ATRNL1: variants seen among roughly 807,000 people sequenced by gnomAD.
ATRNL1 encodes attractin like 1.
Under a neutral mutation model 182.7 loss-of-function variants are expected in ATRNL1, and 95 were observed. The observed-to-expected ratio is 0.52, with a 90% CI of 0.44 to 0.62. The LOEUF (loss-of-function observed/expected upper bound fraction) is 0.62, where lower values mean the gene tolerates loss of function less well. Ranked by LOEUF, ATRNL1 falls within the 20% of genes least tolerant of loss-of-function variation. The probability of loss-of-function intolerance (pLI) is 0.00; values close to 1 mark genes in which losing one functional copy is unlikely to be tolerated. For missense variants in ATRNL1, 1,471 were observed against 1,679.5 expected, an observed-to-expected ratio of 0.88 and a Z score of 2.17; for synonymous variants, 576 against 568.3, an observed-to-expected ratio of 1.01 and a Z score of -0.19.
chr10:115,392,479 T>G (rs1301061643), intron 19 of ATRNL1, among the ~76,000 whole-genome samples: 1 of 152,224 alleles, frequency 6.6e-6, no homozygotes, highest in Non-Finnish European at 1.5e-5. Context: ...GTAAGAACTC[T>G]GAACATATTT....
intron 19 of ATRNL1, among the ~76,000 whole-genome samples, chr10:115,360,717 G>C (rs1554943979): frequency 6.6e-6 from 1 of 151,498 alleles, no homozygotes; most frequent in Non-Finnish European, 1.5e-5. Context: ...ATGTGGAGGA[G>C]GTTTGTTACA....
At chr10:115,098,118 T>A (rs2143386788) in intron 1 of ATRNL1, among the ~76,000 whole-genome samples, 1 of 152,330 alleles carries the variant, frequency 6.6e-6, no homozygotes, top group African/African-American at 2.4e-5. Context: ...ATCCATGGAT[T>A]ATTTTTACAT....
chr10:115,787,863 A>T (rs1356002689), intron 27 of ATRNL1, among the ~76,000 whole-genome samples: 9 of 152,160 alleles, frequency 5.9e-5, no homozygotes, highest in African/African-American at 2.2e-4. Flanking sequence ...CAGTGTCCTT[A>T]TGAGGAAGAG....
intron 26 of ATRNL1, among the ~76,000 whole-genome samples, chr10:115,662,262 T>C (rs1044110198): frequency 2.8e-4 from 43 of 152,202 alleles, no homozygotes; most frequent in African/African-American, 9.9e-4. Flanking sequence ...TCTTTATAGA[T>C]ACCATCTCAC....
At chr10:115,810,755 AT>A (rs1950028794) in intron 27 of ATRNL1, among the ~76,000 whole-genome samples, 1 of 151,758 alleles carries the variant, frequency 6.6e-6, no homozygotes, top group Non-Finnish European at 1.5e-5. Flanking sequence ...GGAATTTATT[AT>A]TTTATCTAAG....
intron 2 of ATRNL1, among the ~76,000 whole-genome samples, chr10:115,120,863 T>A (rs1844698218): frequency 6.6e-6 from 1 of 152,190 alleles, no homozygotes; most frequent in Non-Finnish European, 1.5e-5. Context: ...GCACCTGTAG[T>A]TACATTTTGT....
chr10:115,879,400 G>A (rs1555108035), intron 28 of ATRNL1, among the ~76,000 whole-genome samples: 1 of 152,030 alleles, frequency 6.6e-6, no homozygotes, highest in Non-Finnish European at 1.5e-5. Flanking sequence ...GTGACAGAGT[G>A]AGGATTTGAA....
intron 26 of ATRNL1, among the ~76,000 whole-genome samples, chr10:115,721,046 A>G (rs547901167): frequency 1.3e-5 from 2 of 152,336 alleles, no homozygotes; most frequent in East Asian, 3.9e-4. Context: ...AGTATCATCT[A>G]TTAGTGCCAG....
chr10:115,339,772 T>G (rs983372374), intron 19 of ATRNL1, among the ~76,000 whole-genome samples: 1 of 152,140 alleles, frequency 6.6e-6, no homozygotes, highest in Non-Finnish European at 1.5e-5. Context: ...GCATCCTTAT[T>G]GTGTTCCAGA....
chr10:115,683,429 C>T (rs1946112874), intron 26 of ATRNL1, among the ~76,000 whole-genome samples: 1 of 151,662 alleles, frequency 6.6e-6, no homozygotes, highest in African/African-American at 2.4e-5. Flanking sequence ...AGCATTATTT[C>T]TACCTTCTAT....
At chr10:115,843,978 C>T (rs1950870577) in intron 27 of ATRNL1, among the ~76,000 whole-genome samples, 1 of 152,068 alleles carries the variant, frequency 6.6e-6, no homozygotes, top group African/African-American at 2.4e-5. Context: ...TCAGTTTCAT[C>T]ATCTGTAAAA....
chr10:115,818,723 A>G (rs533984938), intron 27 of ATRNL1, among the ~76,000 whole-genome samples: 1 of 152,132 alleles, frequency 6.6e-6, no homozygotes, highest in African/African-American at 2.4e-5. Flanking sequence ...CCTAATTGGC[A>G]AATCCAGAAG....
In ATRNL1 at chr10:115,160,286, T is replaced by C. The variant is rs1846720962; in HGVS notation, c.1004+72T>C. 3 of 1,411,168 alleles carry C rather than the reference T, an allele frequency of 2.1e-6. No individual in the cohort carries two copies. The East Asian group carries it at 6.9e-5, about 32-fold the overall frequency. 87.4% of individuals were successfully genotyped at this position (1,411,168 alleles called of 1,614,324 possible). ...TATCCAAAATGTCTTTTTTTTTTAA[T>C]TGTTGTCCGAGAGTAAAAGTGGTTA... On this transcript the variant is annotated intron_variant, in intron 6 of 28. Transcript: ENST00000355044.
intron 26 of ATRNL1, among the ~76,000 whole-genome samples, chr10:115,560,711 C>A (rs1401446141): frequency 1.3e-5 from 2 of 151,930 alleles, no homozygotes; most frequent in African/African-American, 4.8e-5. Context: ...ACAGCAAAAA[C>A]ATTCTTGAAA....
chr10:115,166,490 T>A (rs1293115005), intron 7 of ATRNL1, among the ~76,000 whole-genome samples: 3 of 151,986 alleles, frequency 2.0e-5, no homozygotes, highest in African/African-American at 7.2e-5. Flanking sequence ...CCATAGTGTT[T>A]TCCACTATGG....
At chr10:115,697,279 T>C (rs567518000) in intron 26 of ATRNL1, among the ~76,000 whole-genome samples, 1 of 152,308 alleles carries the variant, frequency 6.6e-6, no homozygotes, top group Admixed American at 6.5e-5. Context: ...AAAGAACCAA[T>C]GTATTCTGCC....
At chr10:115,836,765 T>G (rs782212909) in intron 27 of ATRNL1, among the ~76,000 whole-genome samples, 4 of 152,190 alleles carry the variant, frequency 2.6e-5, no homozygotes, top group African/African-American at 9.6e-5. Flanking sequence ...AGGTTCTGGA[T>G]AAACATGAAC....
At chr10:115,812,729 G>A (rs1381030264) in intron 27 of ATRNL1, among the ~76,000 whole-genome samples, 1 of 151,826 alleles carries the variant, frequency 6.6e-6, no homozygotes, top group Non-Finnish European at 1.5e-5. Flanking sequence ...CACCCACCTC[G>A]ACCTCCCAAA....
At chr10:115,676,584 G>GTA (rs143315406) in intron 26 of ATRNL1, among the ~76,000 whole-genome samples, 152 of 150,204 alleles carry the variant, frequency 1.0e-3, no homozygotes, top group East Asian at 3.1e-3. Flanking sequence ...ATCTGTATAT[G>GTA]TATATATATA....
Sources: allele counts gnomAD v4.1 joint callset (sites outside exome capture counted in the v4.1 genomes callset), GRCh38; gene constraint gnomAD v4.1.1; transcripts MANE v1.5; gene names NCBI Gene and HGNC (gene_info 2026-07-23, HGNC 2026-07-21).